Variants in VPS13B observed in about 807,000 individuals in gnomAD.
The protein encoded by VPS13B is intermembrane lipid transfer protein VPS13B.
VPS13B carries 285 observed loss-of-function variants against 426.4 expected under a neutral mutation model. The observed-to-expected ratio is 0.67, with a 90% CI of 0.61 to 0.74. The LOEUF is 0.74. Ranked by LOEUF, VPS13B falls within the 30% of genes least tolerant of loss-of-function variation. VPS13B has a pLI of 0.00. For missense variants in VPS13B, 4,537 were observed against 4,782.6 expected (o/e 0.95, Z 1.51); for synonymous variants, 1,676 against 1,676.4 (o/e 1.00, Z 0.01).
At chr8:99,290,673 A>T (rs1030439061) in intron 19 of VPS13B, among the ~76,000 whole-genome samples, 1 of 152,058 alleles carries the variant, frequency 6.6e-6, no homozygotes, top group African/African-American at 2.4e-5. Context: ...AAAAAAAGAA[A>T]AAAAAGGTAG....
chr8:99,213,237 T>C (rs1815198640), intron 17 of VPS13B, among the ~76,000 whole-genome samples: 1 of 152,204 alleles, frequency 6.6e-6, no homozygotes, highest in Non-Finnish European at 1.5e-5. Flanking sequence ...TAGTTCATAT[T>C]GTTAATACAC....
intron 22 of VPS13B, among the ~76,000 whole-genome samples, chr8:99,432,400 A>G (rs936465121): frequency 1.3e-5 from 2 of 152,110 alleles, no homozygotes; most frequent in Non-Finnish European, 2.9e-5. Context: ...TATGAGAACA[A>G]GGTTTTGTGA....
At chr8:99,458,799 A>T (rs1818667559) in intron 23 of VPS13B, among the ~76,000 whole-genome samples, 1 of 152,050 alleles carries the variant, frequency 6.6e-6, no homozygotes, top group Non-Finnish European at 1.5e-5. Flanking sequence ...GTTTGAGTTC[A>T]TTGTAGATTC....
At chr8:99,356,003 G>A (rs1812160538) in intron 19 of VPS13B, among the ~76,000 whole-genome samples, 1 of 152,158 alleles carries the variant, frequency 6.6e-6, no homozygotes, top group Non-Finnish European at 1.5e-5. Context: ...GGTTAGGGGT[G>A]CTACCCACGT....
chr8:99,409,211 G>A (rs1815489358), intron 21 of VPS13B, among the ~76,000 whole-genome samples: 1 of 152,118 alleles, frequency 6.6e-6, no homozygotes, highest in Admixed American at 6.6e-5. Context: ...GGAGGAGATT[G>A]CAGTGTGTGG....
At chr8:99,773,363 A>G (rs958409392) in intron 40 of VPS13B, among the ~76,000 whole-genome samples, 1 of 152,184 alleles carries the variant, frequency 6.6e-6, no homozygotes, top group South Asian at 2.1e-4. Flanking sequence ...ATTATCCTAT[A>G]TTATAAAATC....
chr8:99,535,946 C>T (rs531565471), intron 30 of VPS13B, among the ~76,000 whole-genome samples: 1 of 151,472 alleles, frequency 6.6e-6, no homozygotes, highest in African/African-American at 2.4e-5. Context: ...TGATTTTAAT[C>T]CAAATTTTTT....
intron 59 of VPS13B, among the ~76,000 whole-genome samples, chr8:99,870,492 T>C (rs556785759): frequency 2.0e-5 from 3 of 152,330 alleles, no homozygotes; most frequent in African/African-American, 7.2e-5. Flanking sequence ...ATTAAAATGA[T>C]GTCTAGGCTA....
chr8:99,364,788 G>A (rs568113454), intron 19 of VPS13B, among the ~76,000 whole-genome samples: 1 of 152,172 alleles, frequency 6.6e-6, no homozygotes, highest in Admixed American at 6.5e-5. Flanking sequence ...GGTAATACTT[G>A]CCTCGTAGAA....
chr8:99,624,007 ATTT>A (rs1165382455), intron 33 of VPS13B, among the ~76,000 whole-genome samples: 25 of 101,116 alleles, frequency 2.5e-4, no homozygotes, highest in African/African-American at 9.7e-4. Flanking sequence ...ATATATATAT[ATTT>A]TTTTTTTTTT....
Position 99,489,481 on chromosome 8 carries a change from A to G in VPS13B, c.3870+7679A>G, listed in dbSNP as rs1297973129. On this transcript the variant is annotated intron_variant, in intron 25 of 61. Coordinates refer to ENST00000357162, the MANE Select transcript of VPS13B (RefSeq NM_152564.5). ...TGATGGGGATGGCATTGAACTTACA[A>G]ATTACCTTGGGCAGTATGGCCATTT... Among the ~76,000 whole-genome samples the G allele has an allele frequency of 1.6e-4, 25 of 152,036 alleles. 1 individual carries two copies. The highest frequency in any genetic ancestry group is 1.6e-3 in the Admixed American group (25 of 15,260).
intron 23 of VPS13B, among the ~76,000 whole-genome samples, chr8:99,456,608 A>G (rs1818475234): frequency 6.6e-6 from 1 of 152,192 alleles, no homozygotes; most frequent in South Asian, 2.1e-4. Flanking sequence ...ATTCTTATGT[A>G]TAATTAATAA....
intron 3 of VPS13B, among the ~76,000 whole-genome samples, chr8:99,045,132 A>G (rs1330617414): frequency 6.6e-6 from 1 of 152,098 alleles, no homozygotes; most frequent in African/African-American, 2.4e-5. Context: ...TCTCCACACC[A>G]TTTTCTATAG....
At chr8:99,534,905 G>A (rs537538571) in intron 30 of VPS13B, among the ~76,000 whole-genome samples, 9 of 152,294 alleles carry the variant, frequency 5.9e-5, no homozygotes, top group African/African-American at 1.9e-4. Context: ...GGCTTGAACA[G>A]AATGAATGGA....
chr8:99,215,486 C>T (rs879682981), intron 17 of VPS13B, among the ~76,000 whole-genome samples: 11 of 152,058 alleles, frequency 7.2e-5, no homozygotes, highest in Admixed American at 1.3e-4. Context: ...TGTAGTTGTA[C>T]GCATTACTAA....
At chr8:99,821,168 C>CACA in intron 49 of VPS13B, 126 bp from the exon 50 acceptor site, 7 of 416,222 alleles carry the variant, frequency 1.7e-5, no homozygotes, top group East Asian at 6.8e-5. Flanking sequence ...ACACACACAC[C>CACA]ATGGAGGGAT....
intron 25 of VPS13B, among the ~76,000 whole-genome samples, chr8:99,483,859 C>T (rs1051997212): frequency 3.9e-5 from 6 of 151,972 alleles, no homozygotes; most frequent in Non-Finnish European, 7.4e-5. Context: ...TAGAGACTGC[C>T]GTTCATACAA....
chr8:99,267,227 C>G (rs552708185), intron 17 of VPS13B, among the ~76,000 whole-genome samples: 12 of 152,072 alleles, frequency 7.9e-5, no homozygotes, highest in Non-Finnish European at 1.8e-4. Context: ...AGATGAGGAA[C>G]TTGTTGGGAA....
chr8:99,076,052 T>C (rs1011052230), intron 3 of VPS13B, among the ~76,000 whole-genome samples: 37 of 152,196 alleles, frequency 2.4e-4, no homozygotes, highest in African/African-American at 7.7e-4. Context: ...AGTTTTCGTA[T>C]GTTGTATTTC....
Sources: allele counts gnomAD v4.1 joint callset (sites outside exome capture counted in the v4.1 genomes callset), GRCh38; gene constraint gnomAD v4.1.1; transcripts MANE v1.5; gene names NCBI Gene and HGNC (gene_info 2026-07-23, HGNC 2026-07-21).